Variants in RPSA2 observed in about 807,000 individuals in gnomAD.
RPSA2 encodes the protein ribosomal protein SA 2.
chr19:23,847,949 C>A, the RPSA2 span, among the ~76,000 whole-genome samples: 1 of 152,152 alleles, frequency 6.6e-6, no homozygotes, highest in Non-Finnish European at 1.5e-5. Flanking sequence ...TTTTGCCTGA[C>A]CCCGCAGGCA....
chr19:23,849,099 C>A, the RPSA2 span, among the ~76,000 whole-genome samples: 1 of 152,200 alleles, frequency 6.6e-6, no homozygotes, highest in Non-Finnish European at 1.5e-5. Context: ...GGAGTTAATA[C>A]AAGTGTATAA....
chr19:23,758,681 C>A, the RPSA2 span: 1 of 1,612,042 alleles, frequency 6.2e-7, no homozygotes, highest in East Asian at 2.2e-5. Flanking sequence ...GAGCTGACTG[C>A]GGCGAGGTCT....
chr19:23,825,021 C>A, the RPSA2 span, among the ~76,000 whole-genome samples: 1 of 151,498 alleles, frequency 6.6e-6, no homozygotes, highest in Admixed American at 6.6e-5. Flanking sequence ...GCTCTGTTTC[C>A]CAGGCTGGAG....
At chr19:23,857,883 C>A in the RPSA2 span, among the ~76,000 whole-genome samples, 1 of 151,978 alleles carries the variant, frequency 6.6e-6, no homozygotes, top group African/African-American at 2.4e-5. Context: ...GTGGAATAAA[C>A]CTTGCTTATC....
the RPSA2 span, among the ~76,000 whole-genome samples, chr19:23,789,019 C>CTTTTTTTTTTTT: frequency 2.7e-3 from 306 of 112,598 alleles, 35 homozygotes; most frequent in African/African-American, 3.8e-3. Flanking sequence ...TTTTTTCTTT[C>CTTTTTTTTTTTT]TTTCTTTTTT....
chr19:23,765,691 C>T, the RPSA2 span, among the ~76,000 whole-genome samples: 3 of 152,018 alleles, frequency 2.0e-5, no homozygotes, highest in East Asian at 1.9e-4. Flanking sequence ...AATACCTGGG[C>T]GATGAAGTAA....
chr19:23,831,219 AG>A, the RPSA2 span, among the ~76,000 whole-genome samples: 69 of 152,312 alleles, frequency 4.5e-4, 1 homozygote, highest in Admixed American at 4.4e-3. Context: ...GGTCCCTAAA[AG>A]TCAGAAATAA....
chr19:23,819,151 CGTAAGA>C, the RPSA2 span: 1 of 152,164 alleles, frequency 6.6e-6, no homozygotes, highest in Admixed American at 6.5e-5. Flanking sequence ...AGTTTCCAGA[CGTAAGA>C]TTTCTAACCA....
At chr19:23,780,361 C>T in the RPSA2 span, among the ~76,000 whole-genome samples, 4 of 152,100 alleles carry the variant, frequency 2.6e-5, no homozygotes, top group African/African-American at 7.2e-5. Context: ...CTGTGACTAT[C>T]GGCCGGGCGC....
chr19:23,783,475 C>T, the RPSA2 span, among the ~76,000 whole-genome samples: 3,294 of 148,846 alleles, frequency 0.022, 128 homozygotes, highest in African/African-American at 0.078. Flanking sequence ...CACAGAAATA[C>T]TCTAATACAT....
chr19:23,772,377 C>G, the RPSA2 span, among the ~76,000 whole-genome samples: 2 of 151,900 alleles, frequency 1.3e-5, no homozygotes, highest in African/African-American at 4.8e-5. Flanking sequence ...ATATCCTTGG[C>G]TGAAATCCCA....
At chr19:23,848,066 A>G in the RPSA2 span, among the ~76,000 whole-genome samples, 54 of 152,268 alleles carry the variant, frequency 3.5e-4, no homozygotes, top group Non-Finnish European at 6.9e-4. Flanking sequence ...TTTTACAATC[A>G]ATTTGTACAG....
At chr19:23,855,267 A>G in the RPSA2 span, among the ~76,000 whole-genome samples, 1 of 152,190 alleles carries the variant, frequency 6.6e-6, no homozygotes, top group African/African-American at 2.4e-5. Flanking sequence ...TCTGACCACA[A>G]GGTATGCAAT....
At chr19:23,790,793 A>G in the RPSA2 span, 3 of 533,832 alleles carry the variant, frequency 5.6e-6, no homozygotes, top group East Asian at 1.3e-4. Flanking sequence ...GCCAGTTCCG[A>G]CATCTGGAGA....
chr19:23,848,276 C>T, the RPSA2 span, among the ~76,000 whole-genome samples: 97 of 152,298 alleles, frequency 6.4e-4, no homozygotes, highest in African/African-American at 2.0e-3. Context: ...TCCCTGACTT[C>T]CCACAACATC....
At chr19:23,853,865 A>T in the RPSA2 span, among the ~76,000 whole-genome samples, 2 of 152,340 alleles carry the variant, frequency 1.3e-5, no homozygotes, top group East Asian at 1.9e-4. Context: ...AACACCTACT[A>T]GTCCCATGTT....
At chr19:23,762,645 G>T in the RPSA2 span, among the ~76,000 whole-genome samples, 1 of 147,764 alleles carries the variant, frequency 6.8e-6, no homozygotes, top group Non-Finnish European at 1.5e-5. Flanking sequence ...CACTGCACTT[G>T]AGCCAGGGCA....
At chr19:23,854,719 A>G in the RPSA2 span, among the ~76,000 whole-genome samples, 9 of 152,184 alleles carry the variant, frequency 5.9e-5, no homozygotes, top group African/African-American at 1.7e-4. Flanking sequence ...TTTTTTGAGT[A>G]TGACCAAGTT....
chr19:23,828,288 A>G, the RPSA2 span, among the ~76,000 whole-genome samples: 1 of 142,408 alleles, frequency 7.0e-6, no homozygotes, highest in Non-Finnish European at 1.5e-5. Context: ...TGTGTTTTGA[A>G]TCAGGCACTT....
Sources: allele counts gnomAD v4.1 joint callset (sites outside exome capture counted in the v4.1 genomes callset), GRCh38; gene constraint gnomAD v4.1.1; transcripts MANE v1.5; gene names NCBI Gene and HGNC (gene_info 2026-07-23, HGNC 2026-07-21).